Variants in MPC1 observed in about 807,000 individuals in gnomAD.
MPC1 encodes the protein HSPC040 protein.
In MPC1, 6 loss-of-function variants were observed where a neutral mutation model predicts 13.9. That is an observed-to-expected ratio of 0.43 (90% CI 0.24 to 0.85). The LOEUF (loss-of-function observed/expected upper bound fraction) is 0.85. Among genes scored for constraint, MPC1 ranks in the 40% least tolerant of loss-of-function variants. The pLI is 0.24. For missense variants in MPC1, 115 were observed against 143.3 expected, an observed-to-expected ratio of 0.80 and a Z score of 1.01; for synonymous variants, 47 against 50.5, an observed-to-expected ratio of 0.93 and a Z score of 0.29.
At chr6:166,373,882 A>G (rs1779475197) in intron 1 of MPC1, among the ~76,000 whole-genome samples, 1 of 151,882 alleles carries the variant, frequency 6.6e-6, no homozygotes, top group Admixed American at 6.6e-5. Flanking sequence ...GCTTCTTTTC[A>G]TATGCTTATT....
At chr6:166,374,805 T>C (rs955110280) in intron 1 of MPC1, among the ~76,000 whole-genome samples, 3 of 152,238 alleles carry the variant, frequency 2.0e-5, no homozygotes, top group African/African-American at 7.2e-5. Context: ...TTGATCTGTC[T>C]ATTCCTTTGC....
intron 1 of MPC1, 53 bp from the exon 2 acceptor site, chr6:166,370,274 G>A: frequency 1.4e-6 from 1 of 714,630 alleles, no homozygotes; most frequent in Non-Finnish European, 2.6e-6. Context: ...GGAAAAAAAA[G>A]AAACAAAAAT....
Position 166,367,524 on chromosome 6 carries a change from A to G in MPC1, c.76-633T>C, listed in dbSNP as rs564985809. The stretch of plus-strand genomic sequence containing the variant: ...TTTTGACATAATAGCAAAAACTTAT[A>G]TTAATATTAAAGAAATGAACCAATA... On this transcript the variant is annotated intron_variant, in intron 2 of 4. Transcript: ENST00000360961. Among the ~76,000 whole-genome samples, 55 of 152,350 alleles carry G rather than the reference A, an allele frequency of 3.6e-4. 1 individual carries two copies. The highest frequency in any genetic ancestry group is 1.0e-3 in the Admixed American group (16 of 15,306).
Position 166,382,922 on chromosome 6 carries a change from G to C in MPC1, c.-46C>G, listed in dbSNP as rs1374856886. ...CCGAGTGGTCCCTGCCTCTGCTGCC[G>C]CTTCCCAGAGCCAATGACACCCCGG... On this transcript the variant is annotated 5_prime_UTR_variant, in exon 1 of 5. Transcript: ENST00000360961. 1 of 1,557,324 alleles carries C rather than the reference G, an allele frequency of 6.4e-7. No individual in the cohort carries two copies. Among genetic ancestry groups the C allele is most frequent in the African/African-American group, 1.4e-5 (1 of 70,682 alleles).
chr6:166,369,292 C>G (rs1779284961), intron 2 of MPC1, among the ~76,000 whole-genome samples: 1 of 152,138 alleles, frequency 6.6e-6, no homozygotes, highest in African/African-American at 2.4e-5. Context: ...ATCCCAGCTA[C>G]TAGGGAGGTT....
chr6:166,376,296 G>A (rs1365485634), intron 1 of MPC1, among the ~76,000 whole-genome samples: 1 of 152,182 alleles, frequency 6.6e-6, no homozygotes, highest in Non-Finnish European at 1.5e-5. Context: ...AAAGGCCTGA[G>A]AACTAGGGGA....
intron 1 of MPC1, among the ~76,000 whole-genome samples, chr6:166,374,568 A>G (rs1779502700): frequency 6.6e-6 from 1 of 152,178 alleles, no homozygotes; most frequent in Admixed American, 6.5e-5. Flanking sequence ...ATTTACATTT[A>G]GGTCTGTGAT....
chr6:166,378,061 G>C (rs1398821735), intron 1 of MPC1, among the ~76,000 whole-genome samples: 1 of 152,156 alleles, frequency 6.6e-6, no homozygotes, highest in Non-Finnish European at 1.5e-5. Context: ...TCACAAGTTT[G>C]GTATCCAGAG....
intron 3 of MPC1, 123 bp from the exon 4 acceptor site, chr6:166,366,229 G>T: frequency 8.7e-7 from 1 of 1,148,010 alleles, no homozygotes; most frequent in Non-Finnish European, 1.2e-6. Context: ...GAAAGCCTTT[G>T]ACAGATAAAA....
chr6:166,365,494 T>G lies in MPC1; in HGVS notation c.306-41A>C. On this transcript the variant is annotated intron_variant, in intron 4 of 4. Coordinates refer to ENST00000360961, the MANE Select transcript of MPC1 (RefSeq NM_016098.4). This position sits in a 1 kb window ranked among gnomAD's most constrained non-coding sequence, Gnocchi z 4.2. Reference sequence around the variant, plus strand: ...AAGAAAAATTCAATGAGAAACAAAATTTCAATGCCAATCGCAAGGGCTTTG... The same window carrying G: ...AAGAAAAATTCAATGAGAAACAAAAGTTCAATGCCAATCGCAAGGGCTTTG... 6.5e-7 allele frequency: 1 copy of G among 1,533,542 alleles called. No individual in the cohort carries two copies. Among genetic ancestry groups the G allele is most frequent in the Non-Finnish European group, 8.8e-7 (1 of 1,134,676 alleles). The allele number at this position is 1,533,542 out of a possible 1,614,324, so 95.0% of individuals were successfully genotyped here. A position where few individuals can be genotyped will look rare whatever the true frequency, so the allele number is the denominator to read the frequency against.
intron 1 of MPC1, among the ~76,000 whole-genome samples, chr6:166,372,347 T>C (rs1779410837): frequency 1.3e-5 from 2 of 152,230 alleles, no homozygotes; most frequent in African/African-American, 4.8e-5. Context: ...ACAGCTTGAT[T>C]ATACCCTATT....
intron 1 of MPC1, 90 bp downstream of exon 1, chr6:166,382,716 C>G: frequency 7.4e-7 from 1 of 1,358,976 alleles, no homozygotes; most frequent in Non-Finnish European, 9.8e-7. Context: ...GCCACCGCGT[C>G]CTCGCGGCCG....
At chr6:166,368,513 C>A (rs1325562298) in intron 2 of MPC1, among the ~76,000 whole-genome samples, 1 of 141,150 alleles carries the variant, frequency 7.1e-6, no homozygotes, top group African/African-American at 2.7e-5. Context: ...AAGATTGCAC[C>A]ACTGCACTCC....
At chr6:166,378,418 A>ATGTGTGTGTGTGTGTG (rs3049292) in intron 1 of MPC1, among the ~76,000 whole-genome samples, 3 of 149,976 alleles carry the variant, frequency 2.0e-5, no homozygotes, top group Middle Eastern at 3.5e-3. Context: ...ATACAAATAC[A>ATGTGTGTGTGTGTGTG]TGTGTGTGTG....
intron 2 of MPC1, among the ~76,000 whole-genome samples, chr6:166,367,820 A>G (rs1779218845): frequency 1.3e-5 from 2 of 152,226 alleles, no homozygotes; most frequent in African/African-American, 4.8e-5. Context: ...TCTGCCTATC[A>G]TAATGTTTAG....
chr6:166,374,875 C>G (rs560582720), intron 1 of MPC1, among the ~76,000 whole-genome samples: 1 of 152,286 alleles, frequency 6.6e-6, no homozygotes, highest in South Asian at 2.1e-4. Context: ...TAGGTAATGT[C>G]AGTCCTCCAA....
intron 1 of MPC1, among the ~76,000 whole-genome samples, chr6:166,380,062 G>C (rs1779711199): frequency 2.0e-5 from 3 of 152,330 alleles, no homozygotes; most frequent in Admixed American, 2.0e-4. Flanking sequence ...TCAGCTGAAT[G>C]TTTCACATCA....
rs1439407938 is a variant in MPC1 at position 166,370,175 on chromosome 6, A to G, written c.75+43T>C. 3 of 780,996 alleles carry G rather than the reference A, an allele frequency of 3.8e-6. No individual in the cohort carries two copies. The Admixed American group carries it at 5.1e-5, about 13-fold the overall frequency. 48.4% of individuals were successfully genotyped at this position (780,996 alleles called of 1,614,324 possible). ...GTTACCCCTAACTCTGTTAATGCAG[A>G]AAGTCTGCAAAAGCCTGAAATGGAT... On this transcript the variant is annotated intron_variant, in intron 2 of 4. Coordinates refer to ENST00000360961, the MANE Select transcript of MPC1 (RefSeq NM_016098.4).
At chr6:166,370,852 G>A (rs1562458413) in intron 1 of MPC1, among the ~76,000 whole-genome samples, 1 of 152,028 alleles carries the variant, frequency 6.6e-6, no homozygotes, top group Non-Finnish European at 1.5e-5. Context: ...GAAAAGAAAA[G>A]TAGAAAAGTA....
Sources: gnomAD v4.1 joint callset for allele counts (sites outside exome capture counted in the v4.1 genomes callset) on GRCh38, gnomAD v4.1.1 for gene constraint, Gnocchi (gnomAD v3.1) non-coding constraint, MANE v1.5 for transcripts, NCBI Gene and HGNC (gene_info 2026-07-23, HGNC 2026-07-21) for gene names.